ATP8A2: variants seen among roughly 807,000 people sequenced by gnomAD.
The protein encoded by ATP8A2 is ATPase phospholipid transporting 8A2, also known as phospholipid-transporting ATPase IB.
ATP8A2 carries 100 observed loss-of-function variants against 165.6 expected under a neutral mutation model. The ratio of observed to expected loss-of-function variants is 0.60; its 90% CI spans 0.51 to 0.71. ATP8A2 has a LOEUF of 0.71. ATP8A2 is among the 30% of genes least tolerant of loss of function. The probability of loss-of-function intolerance (pLI) is 0.00; values close to 1 mark genes in which losing one functional copy is unlikely to be tolerated. For missense variants in ATP8A2, 1,227 were observed against 1,479.5 expected (o/e 0.83, Z 2.80); for synonymous variants, 543 against 548.8 (o/e 0.99, Z 0.15).
intron 1 of ATP8A2, among the ~76,000 whole-genome samples, chr13:25,466,316 C>G (rs1307664506): frequency 1.3e-5 from 2 of 152,140 alleles, no homozygotes; most frequent in Non-Finnish European, 2.9e-5. Context: ...TTAAGCTCTT[C>G]TTGCCCTTGC....
chr13:25,748,625 A>C (rs902696301), intron 25 of ATP8A2, among the ~76,000 whole-genome samples: 2 of 152,124 alleles, frequency 1.3e-5, no homozygotes, highest in African/African-American at 4.8e-5. Context: ...AGTGCTGGTA[A>C]ATTAATCAAA....
intron 2 of ATP8A2, among the ~76,000 whole-genome samples, chr13:25,484,054 GC>G (rs1331638229): frequency 6.6e-6 from 1 of 152,164 alleles, no homozygotes; most frequent in Non-Finnish European, 1.5e-5. Flanking sequence ...ATGTTTTCTA[GC>G]CTGTAACTGC....
At chr13:25,948,122 C>T (rs1394815981) in intron 33 of ATP8A2, among the ~76,000 whole-genome samples, 1 of 152,112 alleles carries the variant, frequency 6.6e-6, no homozygotes, top group African/African-American at 2.4e-5. Flanking sequence ...AACCTATTCC[C>T]AGTATAATCT....
Position 25,372,179 on chromosome 13 carries a change from C to A in ATP8A2, c.-34C>A, listed in dbSNP as rs1287865203. 16 of 1,403,164 alleles carry A rather than the reference C, an allele frequency of 1.1e-5. No homozygotes were observed. Among genetic ancestry groups the A allele is most frequent in the African/African-American group, 1.5e-5 (1 of 66,860 alleles). The allele number at this position is 1,403,164 out of a possible 1,614,324, so 86.9% of individuals were successfully genotyped here. On this transcript the variant is annotated 5_prime_UTR_variant, in exon 1 of 37. Transcript: ENST00000381655. This position sits in a 1 kb window ranked among gnomAD's most constrained non-coding sequence, Gnocchi z 4.8. ...AGCCCTGCGCGTAGCCTCCGTCTCT[C>A]GCCCGGGGCCGCCGAGCCCCCGACA...
At chr13:25,635,935 C>G (rs1446353480) in intron 24 of ATP8A2, among the ~76,000 whole-genome samples, 1 of 152,172 alleles carries the variant, frequency 6.6e-6, no homozygotes. Flanking sequence ...TCTACAAAGA[C>G]AGCGCACCCC....
At chr13:25,983,299 A>G (rs1415340404) in intron 35 of ATP8A2, among the ~76,000 whole-genome samples, 1 of 152,252 alleles carries the variant, frequency 6.6e-6, no homozygotes, top group African/African-American at 2.4e-5. Flanking sequence ...TGAAGTAACA[A>G]CAGCAAGTGA....
intron 33 of ATP8A2, among the ~76,000 whole-genome samples, chr13:25,889,245 CATATATATATATATAT>C (rs200723564): frequency 6.4e-5 from 7 of 109,972 alleles, no homozygotes; most frequent in African/African-American, 1.3e-4. Context: ...CATCCTTTGT[CATATATATATATATAT>C]ATATATATAT....
chr13:25,450,612 A>G (rs974617498), intron 1 of ATP8A2, among the ~76,000 whole-genome samples: 1 of 151,808 alleles, frequency 6.6e-6, no homozygotes, highest in Non-Finnish European at 1.5e-5. Flanking sequence ...GCTCACTGCA[A>G]GCTCCGCCTC....
intron 33 of ATP8A2, among the ~76,000 whole-genome samples, chr13:25,897,077 T>C (rs1953577248): frequency 6.6e-6 from 1 of 152,250 alleles, no homozygotes; most frequent in African/African-American, 2.4e-5. Context: ...CCTGTCATTA[T>C]GATGTTAGCT....
At chr13:25,833,260 T>C (rs1951523958) in intron 28 of ATP8A2, among the ~76,000 whole-genome samples, 1 of 152,086 alleles carries the variant, frequency 6.6e-6, no homozygotes. Flanking sequence ...CATAAAAGAT[T>C]CAACTCTTCT....
At chr13:25,605,169 G>T (rs34839885) in intron 24 of ATP8A2, among the ~76,000 whole-genome samples, 8 of 152,036 alleles carry the variant, frequency 5.3e-5, no homozygotes, top group Non-Finnish European at 1.2e-4. Context: ...AAGTTCCTTC[G>T]TCAGTGAACT....
chr13:25,927,200 G>C, intron 33 of ATP8A2: 1 of 456,696 alleles, frequency 2.2e-6, no homozygotes, highest in Non-Finnish European at 4.4e-6. Flanking sequence ...GTGCCCCGGA[G>C]CCCCACTCCT....
chr13:25,675,776 C>G (rs963581372), intron 24 of ATP8A2, among the ~76,000 whole-genome samples: 1 of 152,112 alleles, frequency 6.6e-6, no homozygotes, highest in Middle Eastern at 3.4e-3. Flanking sequence ...GACAAGCTCA[C>G]CTTTGACAGG....
rs114088897 is a variant in ATP8A2, at chr13:25,993,998, C to G, written c.3378-18533C>G. Among the ~76,000 whole-genome samples the G allele has an allele frequency of 7.0e-3, 1,066 of 152,174 alleles. 11 individuals are homozygous for G. The highest frequency in any genetic ancestry group is 0.024 in the African/African-American group (1,010 of 41,526). ...AAGTCTCTCCATTTGTTTAGATTTT[C>G]TTTGATTTCTTTCATCAGCATTGTG... On this transcript the variant is annotated intron_variant, in intron 35 of 36. Transcript: ENST00000381655.
At chr13:25,376,061 T>C (rs778495811) in intron 1 of ATP8A2, among the ~76,000 whole-genome samples, 9 of 152,152 alleles carry the variant, frequency 5.9e-5, no homozygotes, top group Non-Finnish European at 8.8e-5. Context: ...AATGTGAGAA[T>C]GTAATAGCTG....
At chr13:25,950,032 T>G (rs2139140193) in intron 33 of ATP8A2, among the ~76,000 whole-genome samples, 1 of 152,274 alleles carries the variant, frequency 6.6e-6, no homozygotes, top group Middle Eastern at 3.4e-3. Context: ...ACTCTTGACC[T>G]CAGGTGATCC....
chr13:25,427,550 C>G (rs1417137748), intron 1 of ATP8A2, among the ~76,000 whole-genome samples: 3 of 151,904 alleles, frequency 2.0e-5, no homozygotes, highest in African/African-American at 7.3e-5. Context: ...TTGGCAACCA[C>G]TACTCTACAC....
At chr13:25,852,004 G>A (rs555319883) in intron 30 of ATP8A2, among the ~76,000 whole-genome samples, 38 of 152,160 alleles carry the variant, frequency 2.5e-4, no homozygotes, top group African/African-American at 8.7e-4. Flanking sequence ...CACCATGCCT[G>A]GCTTCTTCAT....
At chr13:25,563,184 T>G (rs1593540033) in intron 15 of ATP8A2, among the ~76,000 whole-genome samples, 1 of 152,062 alleles carries the variant, frequency 6.6e-6, no homozygotes, top group Non-Finnish European at 1.5e-5. Context: ...CCGAGGTGGG[T>G]GGATCACCTG....
Sources: allele counts gnomAD v4.1 joint callset (sites outside exome capture counted in the v4.1 genomes callset), GRCh38; gene constraint gnomAD v4.1.1; non-coding constraint Gnocchi (gnomAD v3.1); transcripts MANE v1.5; gene names NCBI Gene and HGNC (gene_info 2026-07-23, HGNC 2026-07-21).